Variants in MOSPD2 observed in about 807,000 individuals in gnomAD.
MOSPD2 encodes motile sperm domain containing 2.
Under a neutral mutation model 41.7 loss-of-function variants are expected in MOSPD2, and 5 were observed. The ratio of observed to expected loss-of-function variants is 0.12; its 90% confidence interval spans 0.06 to 0.25. The LOEUF (loss-of-function observed/expected upper bound fraction) is 0.25, where lower values mean the gene tolerates loss of function less well. MOSPD2 is among the 10% of genes least tolerant of loss of function. The pLI is 1.00. For missense variants in MOSPD2, 282 were observed against 375.2 expected, an observed-to-expected ratio of 0.75 and a Z score of 2.05; for synonymous variants, 115 against 126.9, an observed-to-expected ratio of 0.91 and a Z score of 0.63.
chrX:14,873,771 T>C lies in MOSPD2; in HGVS notation c.79+13T>C. On this transcript the variant is annotated intron_variant, in intron 2 of 14. Coordinates refer to ENST00000380492, the MANE Select transcript of MOSPD2 (RefSeq NM_152581.4). The stretch of plus-strand genomic sequence containing the variant: ...GAGTATGTGACAGGTGGGTACTCTG[T>C]TCCAGGTATTAAGAAAGGTGTGCAG... The C allele has an allele frequency of 8.5e-7, 1 of 1,182,817 alleles. No individual in the cohort carries two copies. Among genetic ancestry groups the C allele is most frequent in the South Asian group, 1.8e-5 (1 of 56,307 alleles).
intron 4 of MOSPD2, among the ~76,000 whole-genome samples, chrX:14,896,323 G>C (rs1441884480): frequency 9.0e-6 from 1 of 110,979 alleles, no homozygotes; most frequent in Non-Finnish European, 1.9e-5. Context: ...CTGTCCACTT[G>C]CTCACTTTCT....
intron 2 of MOSPD2, among the ~76,000 whole-genome samples, chrX:14,889,893 A>G (rs943034693): frequency 1.8e-5 from 2 of 111,571 alleles, no homozygotes; most frequent in Non-Finnish European, 3.8e-5. Flanking sequence ...GACAACAACA[A>G]CAATAGTGTT....
rs1157717103 is a variant in MOSPD2, at chrX:14,902,321, T to G, written c.539-645T>G. Among the ~76,000 whole-genome samples the G allele has an allele frequency of 6.3e-5, 7 of 111,779 alleles. No individual in the cohort carries two copies. The Admixed American group carries it at 6.7e-4, about 11-fold the overall frequency. ...TGAATCTCAAAAATCTTCTTTGCAG[T>G]TTCTGGTTCTTTCTCACAGTTGTCT... On this transcript the variant is annotated intron_variant, in intron 6 of 14. Transcript: ENST00000380492.
At position 14,897,151 on chromosome X, in the gene MOSPD2, A is replaced by T. The variant is rs1309236485; in HGVS notation, c.390A>T (p.Ala130=). ...KTILDKKKLI[A]FWLERYAKRE... ...TATTGGACAAAAAGAAGCTCATAGC[A>T]TTCTGGTTGGAACGTTATGCTAAGA... The change falls in exon 5 of 15, where the codon GCA becomes GCT. Residue 130 remains alanine (A), a synonymous_variant. Coordinates refer to ENST00000380492, the MANE Select transcript of MOSPD2 (RefSeq NM_152581.4). 2 of 1,206,355 alleles carry T rather than the reference A, an allele frequency of 1.7e-6. No individual in the cohort carries two copies. Among genetic ancestry groups the T allele is most frequent in the Non-Finnish European group, 1.1e-6 (1 of 891,966 alleles).
intron 6 of MOSPD2, among the ~76,000 whole-genome samples, chrX:14,901,854 ATAT>A (rs1290281027): frequency 9.0e-6 from 1 of 110,699 alleles, no homozygotes; most frequent in African/African-American, 3.3e-5. Context: ...AGTAGTATAA[ATAT>A]TATTATTACT....
intron 7 of MOSPD2, among the ~76,000 whole-genome samples, chrX:14,904,789 T>C (rs2092578978): frequency 8.9e-6 from 1 of 111,744 alleles, no homozygotes; most frequent in African/African-American, 3.3e-5. Context: ...CAAGCCTCAG[T>C]GTTCAGAGTT....
At chrX:14,899,292 C>G (rs942357115) in intron 5 of MOSPD2, among the ~76,000 whole-genome samples, 2 of 108,046 alleles carry the variant, frequency 1.9e-5, no homozygotes, top group African/African-American at 6.6e-5. Context: ...AGCAGTAACT[C>G]ACGATTTTAC....
chrX:14,916,414 C>A, intron 13 of MOSPD2, 88 bp downstream of exon 13: 1 of 1,158,979 alleles, frequency 8.6e-7, no homozygotes, highest in Non-Finnish European at 1.2e-6. Context: ...GCCTCCCTTT[C>A]TTCTTGCATC....
intron 3 of MOSPD2, among the ~76,000 whole-genome samples, chrX:14,894,002 T>C (rs991919913): frequency 5.3e-5 from 6 of 112,602 alleles, no homozygotes; most frequent in African/African-American, 1.3e-4. Flanking sequence ...AACAAAAACA[T>C]TGGCATTTGC....
In MOSPD2 at chrX:14,911,459, T is replaced by C. The variant is rs190573192; in HGVS notation, c.879+46T>C. 127 of 970,160 alleles carry C rather than the reference T, an allele frequency of 1.3e-4. No individual in the cohort carries two copies. The African/African-American group carries it at 2.2e-3, about 17-fold the overall frequency. The allele number at this position is 970,160 out of a possible 1,213,427, so 80.0% of individuals were successfully genotyped here. The stretch of plus-strand genomic sequence containing the variant: ...AAACTGAATCACAAGATGTGGTCTA[T>C]CCCCAATTCTGACACTAGCCAGCTG... On this transcript the variant is annotated intron_variant, in intron 9 of 14. Coordinates refer to ENST00000380492, the MANE Select transcript of MOSPD2 (RefSeq NM_152581.4).
At chrX:14,880,338 CTT>C (rs747509503) in intron 2 of MOSPD2, among the ~76,000 whole-genome samples, 6 of 111,189 alleles carry the variant, frequency 5.4e-5, no homozygotes, top group Admixed American at 2.9e-4. Context: ...ATATATATGA[CTT>C]TTTTCCATTA....
intron 2 of MOSPD2, among the ~76,000 whole-genome samples, chrX:14,879,203 G>A (rs1005443854): frequency 9.0e-6 from 1 of 111,482 alleles, no homozygotes; most frequent in African/African-American, 3.3e-5. Context: ...TAATGGGTTT[G>A]GGGTTGTTTC....
At chrX:14,886,989 C>A (rs1283646090) in intron 2 of MOSPD2, among the ~76,000 whole-genome samples, 4 of 112,009 alleles carry the variant, frequency 3.6e-5, no homozygotes, top group Non-Finnish European at 7.5e-5. Flanking sequence ...ATATTTTGTT[C>A]TTTTGTCTTG....
chrX:14,892,972 C>A, intron 3 of MOSPD2, 94 bp downstream of exon 3: 2 of 616,616 alleles, frequency 3.2e-6, no homozygotes, highest in South Asian at 4.1e-5. Context: ...ATATTCCTAG[C>A]AGTCATCATA....
chrX:14,907,173 G>C (rs763015414), intron 7 of MOSPD2, among the ~76,000 whole-genome samples: 1 of 112,660 alleles, frequency 8.9e-6, no homozygotes, highest in African/African-American at 3.2e-5. Flanking sequence ...AGTGAGGTGT[G>C]ATTTCACACC....
At chrX:14,895,087 G>A (rs748559143) in intron 3 of MOSPD2, among the ~76,000 whole-genome samples, 1 of 111,880 alleles carries the variant, frequency 8.9e-6, no homozygotes, top group South Asian at 3.7e-4. Flanking sequence ...GACCTGTCAA[G>A]GGAAATGGAG....
intron 9 of MOSPD2, 46 bp from the exon 10 acceptor site, chrX:14,912,203 T>C: frequency 2.3e-6 from 2 of 879,708 alleles, no homozygotes; most frequent in Non-Finnish European, 3.1e-6. Context: ...ATGTTAATGG[T>C]CATGTTAATA....
chrX:14,888,764 T>G (rs74496878), intron 2 of MOSPD2, among the ~76,000 whole-genome samples: 30 of 107,080 alleles, frequency 2.8e-4, no homozygotes, highest in Admixed American at 8.0e-4. Context: ...GTCCTAGGGG[T>G]GTGTGTGTGT....
intron 13 of MOSPD2, among the ~76,000 whole-genome samples, chrX:14,918,130 C>T (rs1478630212): frequency 1.8e-5 from 2 of 112,038 alleles, no homozygotes. Flanking sequence ...GGGTAAGAAA[C>T]GCTGGTATAA....
Sources: gnomAD v4.1 joint callset for allele counts (sites outside exome capture counted in the v4.1 genomes callset) on GRCh38, gnomAD v4.1.1 for gene constraint, MANE v1.5 for transcripts, NCBI Gene and HGNC (gene_info 2026-07-23, HGNC 2026-07-21) for gene names.